Variants in PCDH7 observed in about 807,000 individuals in gnomAD.
PCDH7 encodes the protein protocadherin 7, also known as protocadherin-7.
In PCDH7, 17 loss-of-function variants were observed where a neutral mutation model predicts 58.9. The observed-to-expected ratio is 0.29, with a 90% CI of 0.20 to 0.43. The LOEUF (loss-of-function observed/expected upper bound fraction) is 0.43. Ranked by LOEUF, PCDH7 falls within the 20% of genes least tolerant of loss-of-function variation. The probability of loss-of-function intolerance (pLI) is 1.00; values close to 1 mark genes in which losing one functional copy is unlikely to be tolerated. For missense variants in PCDH7, 1,274 were observed against 1,441.0 expected, an observed-to-expected ratio of 0.88 and a Z score of 1.88; for synonymous variants, 664 against 616.4, an observed-to-expected ratio of 1.08 and a Z score of -1.14.
At chr4:30,788,260 T>C (rs1201764987) in intron 1 of PCDH7, among the ~76,000 whole-genome samples, 2 of 152,112 alleles carry the variant, frequency 1.3e-5, no homozygotes, top group African/African-American at 2.4e-5. Context: ...ATGAACAAGA[T>C]AGTGAATATT....
intron 3 of PCDH7, among the ~76,000 whole-genome samples, chr4:31,117,338 C>T (rs1199818763): frequency 6.6e-6 from 1 of 152,196 alleles, no homozygotes. Flanking sequence ...CAAATGGGTG[C>T]TGTACCCTAG....
At chr4:30,754,188 G>GTGTGTGTGTGTT (rs1039079090) in intron 1 of PCDH7, among the ~76,000 whole-genome samples, 2 of 141,024 alleles carry the variant, frequency 1.4e-5, no homozygotes, top group African/African-American at 6.0e-5. Flanking sequence ...GTGTGTGTGT[G>GTGTGTGTGTGTT]TTTTTTCTGG....
intron 3 of PCDH7, among the ~76,000 whole-genome samples, chr4:31,065,795 T>G (rs1758035204): frequency 6.6e-6 from 1 of 151,964 alleles, no homozygotes. Flanking sequence ...ACCCACTAGC[T>G]TCATCATAAT....
chr4:31,043,625 A>G (rs1384891712), intron 3 of PCDH7, among the ~76,000 whole-genome samples: 1 of 151,958 alleles, frequency 6.6e-6, no homozygotes, highest in Non-Finnish European at 1.5e-5. Flanking sequence ...TCACTTTTTA[A>G]TGGGGTTTTT....
At chr4:31,042,776 G>A (rs1755986745) in intron 3 of PCDH7, among the ~76,000 whole-genome samples, 1 of 152,092 alleles carries the variant, frequency 6.6e-6, no homozygotes. Flanking sequence ...TGTGCATAAA[G>A]GAATTACTGT....
chr4:30,842,743 T>A (rs904017233), intron 1 of PCDH7, among the ~76,000 whole-genome samples: 1 of 152,128 alleles, frequency 6.6e-6, no homozygotes, highest in Non-Finnish European at 1.5e-5. Flanking sequence ...GAAAGAACTT[T>A]AGCAGGGAAG....
At chr4:30,835,937 A>T (rs1730435761) in intron 1 of PCDH7, among the ~76,000 whole-genome samples, 1 of 152,200 alleles carries the variant, frequency 6.6e-6, no homozygotes, top group African/African-American at 2.4e-5. Context: ...AAGAAGCCTT[A>T]TTTAGCATGA....
chr4:30,736,535 ATTTTT>A (rs35719962), downstream of PCDH7, among the ~76,000 whole-genome samples: 1 of 134,576 alleles, frequency 7.4e-6, no homozygotes, highest in Non-Finnish European at 1.6e-5. Context: ...ATTTTCATTT[ATTTTT>A]TTTTTTTTTT....
At chr4:30,968,297 TC>T in intron 3 of PCDH7, among the ~76,000 whole-genome samples, 1 of 37,406 alleles carries the variant, frequency 2.7e-5, no homozygotes, top group Non-Finnish European at 4.3e-5. Flanking sequence ...ACTCTCTCTC[TC>T]TCTCTATATA....
intron 1 of PCDH7, among the ~76,000 whole-genome samples, chr4:30,746,457 C>A (rs1023116837): frequency 1.3e-5 from 2 of 152,182 alleles, no homozygotes; most frequent in African/African-American, 4.8e-5. Context: ...CAGTGCAATT[C>A]GCCTTAGTTA....
At chr4:30,870,726 A>C (rs1485933012) in intron 1 of PCDH7, among the ~76,000 whole-genome samples, 1 of 152,116 alleles carries the variant, frequency 6.6e-6, no homozygotes, top group Non-Finnish European at 1.5e-5. Flanking sequence ...CTTGGAAGCC[A>C]TTGTTTGCAG....
At chr4:31,039,928 C>T (rs1455413016) in intron 3 of PCDH7, among the ~76,000 whole-genome samples, 1 of 152,074 alleles carries the variant, frequency 6.6e-6, no homozygotes, top group African/African-American at 2.4e-5. Context: ...TTGTTCTCCC[C>T]TCATGTAGAA....
At chr4:31,051,589 G>A (rs1048185326) in intron 3 of PCDH7, among the ~76,000 whole-genome samples, 7 of 142,412 alleles carry the variant, frequency 4.9e-5, no homozygotes, top group Admixed American at 1.5e-4. Context: ...TTCTTTATTC[G>A]GATATTAAAA....
intron 3 of PCDH7, among the ~76,000 whole-genome samples, chr4:31,137,144 A>C (rs1446383495): frequency 1.3e-5 from 2 of 152,212 alleles, no homozygotes; most frequent in African/African-American, 2.4e-5. Flanking sequence ...CTAGCATTTA[A>C]GTGTGCTTCT....
intron 3 of PCDH7, among the ~76,000 whole-genome samples, chr4:30,976,274 A>T (rs2010263727): frequency 6.6e-6 from 1 of 151,926 alleles, no homozygotes; most frequent in Non-Finnish European, 1.5e-5. Flanking sequence ...TATTTTTAGT[A>T]GAGATGGGGT....
chr4:30,740,181 A>C (rs1410945635), intron 1 of PCDH7, among the ~76,000 whole-genome samples: 4 of 152,212 alleles, frequency 2.6e-5, no homozygotes, highest in Admixed American at 1.3e-4. Context: ...GCCACTGTGC[A>C]TATATGAAGT....
intron 1 of PCDH7, among the ~76,000 whole-genome samples, chr4:30,767,114 TC>T (rs1269316243): frequency 6.6e-6 from 1 of 152,168 alleles, no homozygotes; most frequent in Non-Finnish European, 1.5e-5. Context: ...TTACAAATTC[TC>T]ATAGTAATAA....
At chr4:30,991,700 A>G (rs1560560380) in intron 3 of PCDH7, among the ~76,000 whole-genome samples, 1 of 152,124 alleles carries the variant, frequency 6.6e-6, no homozygotes. Context: ...TTGGAGAATC[A>G]GTATTTCTTT....
chr4:30,802,999 C>T (rs1337666610), intron 1 of PCDH7, among the ~76,000 whole-genome samples: 1 of 152,034 alleles, frequency 6.6e-6, no homozygotes, highest in East Asian at 1.9e-4. Context: ...GGGAAGAAAT[C>T]AATTGCACCC....
Sources: allele counts gnomAD v4.1 joint callset (sites outside exome capture counted in the v4.1 genomes callset), GRCh38; gene constraint gnomAD v4.1.1; transcripts MANE v1.5; gene names NCBI Gene and HGNC (gene_info 2026-07-23, HGNC 2026-07-21).